MCMBP: variants seen among roughly 807,000 people sequenced by gnomAD.
MCMBP encodes mini-chromosome maintenance complex-binding protein.
MCMBP carries 31 observed loss-of-function variants against 81.3 expected under a neutral mutation model. The ratio of observed to expected loss-of-function variants is 0.38; its 90% CI spans 0.29 to 0.51. The LOEUF (loss-of-function observed/expected upper bound fraction) is 0.51. Among genes scored for constraint, MCMBP ranks in the 20% least tolerant of loss-of-function variants. The pLI is 0.87. For synonymous variants in MCMBP, 267 were observed against 275.9 expected, an observed-to-expected ratio of 0.97 and a Z score of 0.32; for missense variants, 645 against 772.1, an observed-to-expected ratio of 0.84 and a Z score of 1.95.
At chr10:119,867,294 A>C (rs1331784182) in intron 1 of MCMBP, among the ~76,000 whole-genome samples, 1 of 9,530 alleles carries the variant, frequency 1.0e-4, no homozygotes, top group African/African-American at 4.3e-4. Context: ...CTCCATCTCA[A>C]AAAAAAAAAA....
At chr10:119,838,820 A>G in intron 11 of MCMBP, 120 bp from the exon 12 acceptor site, 3 of 848,470 alleles carry the variant, frequency 3.5e-6, no homozygotes, top group Non-Finnish European at 5.2e-6. Flanking sequence ...TTTCTAAGGG[A>G]GTAGTGATAT....
intron 10 of MCMBP, among the ~76,000 whole-genome samples, chr10:119,842,247 C>T (rs768001957): frequency 1.3e-5 from 2 of 152,248 alleles, no homozygotes; most frequent in East Asian, 3.9e-4. Flanking sequence ...ACTGCTTTAT[C>T]TGATTTTGGC....
intron 1 of MCMBP, among the ~76,000 whole-genome samples, chr10:119,870,044 T>G (rs897350925): frequency 2.0e-5 from 3 of 152,256 alleles, no homozygotes; most frequent in Non-Finnish European, 4.4e-5. Context: ...TAGCCACACA[T>G]GGCTACTGCC....
At chr10:119,866,109 G>C (rs1390083629) in intron 1 of MCMBP, among the ~76,000 whole-genome samples, 1 of 149,134 alleles carries the variant, frequency 6.7e-6, no homozygotes, top group Non-Finnish European at 1.5e-5. Context: ...AAAAAAAAAG[G>C]AATGCAGTAC....
At chr10:119,855,863 A>G (rs1027178596) in intron 5 of MCMBP, among the ~76,000 whole-genome samples, 2 of 152,246 alleles carry the variant, frequency 1.3e-5, no homozygotes, top group African/African-American at 4.8e-5. Context: ...TTATGTCAAT[A>G]AATTCAACAA....
At chr10:119,851,211 T>C (rs1331116289) in intron 6 of MCMBP, among the ~76,000 whole-genome samples, 1 of 152,038 alleles carries the variant, frequency 6.6e-6, no homozygotes, top group African/African-American at 2.4e-5. Flanking sequence ...CTATACTGTG[T>C]CAAAATAAAA....
At chr10:119,844,468 C>T (rs1248501761) in intron 8 of MCMBP, among the ~76,000 whole-genome samples, 1 of 152,208 alleles carries the variant, frequency 6.6e-6, no homozygotes. Flanking sequence ...AACCTCACAT[C>T]TACCCTTATT....
chr10:119,864,376 T>TG (rs1260159868), intron 1 of MCMBP, among the ~76,000 whole-genome samples: 2 of 152,372 alleles, frequency 1.3e-5, no homozygotes, highest in East Asian at 3.9e-4. Flanking sequence ...TTTGAGGAAC[T>TG]GGTCCATTTC....
In MCMBP at chr10:119,835,526, T is replaced by C. The variant is rs1852208065; in HGVS notation, c.1707+14A>G. The C allele has an allele frequency of 6.2e-7, 1 of 1,602,916 alleles. No homozygotes were observed. Among genetic ancestry groups the C allele is most frequent in the Non-Finnish European group, 8.5e-7 (1 of 1,172,600 alleles). On this transcript the variant is annotated intron_variant, in intron 14 of 15. Coordinates refer to ENST00000369077, the MANE Select transcript of MCMBP (RefSeq NM_001256378.2). ...TTCAACACAGGGAAATCCTTTATTT[T>C]AACCTAGACATACCTTGGTTATTTC... is the stretch of plus-strand genomic sequence containing the variant.
intron 11 of MCMBP, among the ~76,000 whole-genome samples, chr10:119,839,917 T>C (rs904282525): frequency 2.6e-5 from 4 of 152,186 alleles, no homozygotes; most frequent in African/African-American, 4.8e-5. Context: ...GAGACTACAA[T>C]AGACTGAAGG....
chr10:119,871,598 A>T (rs1719162627), intron 1 of MCMBP, among the ~76,000 whole-genome samples: 1 of 152,140 alleles, frequency 6.6e-6, no homozygotes, highest in African/African-American at 2.4e-5. Context: ...AGGATGATTT[A>T]GCTTCCCACT....
chr10:119,859,795 T>G lies in MCMBP; in HGVS notation c.144+4A>C. 1 of 1,606,772 alleles carries G rather than the reference T, an allele frequency of 6.2e-7. No individual in the cohort carries two copies. The highest frequency in any genetic ancestry group is 8.5e-7 in the Non-Finnish European group (1 of 1,174,386). On this transcript the variant is annotated splice_donor_region_variant and intron_variant, in intron 2 of 15. Coordinates refer to ENST00000369077, the MANE Select transcript of MCMBP (RefSeq NM_001256378.2). ...CTCTCCCTCGAAAATAGCAATAAGC[T>G]TACCCACTTAGGAGCATTATTTTCC...
intron 14 of MCMBP, 83 bp downstream of exon 14, chr10:119,835,457 C>G (rs1241243845): frequency 1.3e-5 from 15 of 1,177,516 alleles, no homozygotes; most frequent in Non-Finnish European, 1.8e-5. Flanking sequence ...ACAAAATTAC[C>G]TTATCAGTAA....
intron 1 of MCMBP, among the ~76,000 whole-genome samples, chr10:119,869,233 C>T (rs998828771): frequency 5.9e-5 from 9 of 152,168 alleles, no homozygotes; most frequent in Admixed American, 1.3e-4. Context: ...ATCACCTGTT[C>T]GAGACCAGCC....
chr10:119,851,121 G>A (rs1852810746), intron 6 of MCMBP, among the ~76,000 whole-genome samples: 1 of 152,002 alleles, frequency 6.6e-6, no homozygotes. Context: ...GCCTGCCTCG[G>A]CCTCCTGAAG....
At chr10:119,857,266 C>T in intron 5 of MCMBP, 72 bp downstream of exon 5, 2 of 1,109,908 alleles carry the variant, frequency 1.8e-6, no homozygotes, top group Non-Finnish European at 2.6e-6. Flanking sequence ...CCAAGCTTTG[C>T]AAAGGAAGAA....
At chr10:119,856,590 T>C (rs1213240116) in intron 5 of MCMBP, among the ~76,000 whole-genome samples, 5 of 152,218 alleles carry the variant, frequency 3.3e-5, no homozygotes, top group Non-Finnish European at 5.9e-5. Flanking sequence ...ACAAGTTCTT[T>C]ACTTTGGGGT....
At chr10:119,861,513 T>C (rs1298354754) in intron 1 of MCMBP, among the ~76,000 whole-genome samples, 1 of 152,118 alleles carries the variant, frequency 6.6e-6, no homozygotes, top group Non-Finnish European at 1.5e-5. Flanking sequence ...GAATCGCTGC[T>C]CTACTAGATA....
intron 1 of MCMBP, among the ~76,000 whole-genome samples, chr10:119,863,006 T>C (rs1306910335): frequency 6.6e-6 from 1 of 152,160 alleles, no homozygotes; most frequent in Non-Finnish European, 1.5e-5. Flanking sequence ...TAAAATTGAG[T>C]TTTTAAATTA....
Sources: gnomAD v4.1 joint callset for allele counts (sites outside exome capture counted in the v4.1 genomes callset) on GRCh38, gnomAD v4.1.1 for gene constraint, MANE v1.5 for transcripts, NCBI Gene and HGNC (gene_info 2026-07-23, HGNC 2026-07-21) for gene names.